Variants in UBR3 observed in about 807,000 individuals in gnomAD.
UBR3 encodes ubiquitin protein ligase E3 component n-recognin 3.
In UBR3, 85 loss-of-function variants were observed where a neutral mutation model predicts 243.2. The ratio of observed to expected loss-of-function variants is 0.35; its 90% CI spans 0.29 to 0.42. The LOEUF is 0.42. Among genes scored for constraint, UBR3 ranks in the 10% least tolerant of loss-of-function variants. UBR3 has a pLI of 1.00. For missense variants in UBR3, 1,686 were observed against 2,300.8 expected, an observed-to-expected ratio of 0.73 and a Z score of 5.47; for synonymous variants, 748 against 799.8, an observed-to-expected ratio of 0.94 and a Z score of 1.09.
intron 8 of UBR3, among the ~76,000 whole-genome samples, chr2:169,904,092 T>C (rs1159166968): frequency 6.6e-6 from 1 of 152,200 alleles, no homozygotes; most frequent in African/African-American, 2.4e-5. Flanking sequence ...AAAATATACT[T>C]AGGCTTTTAT....
At chr2:169,831,129 T>TA (rs2081925483) in intron 1 of UBR3, among the ~76,000 whole-genome samples, 1,504 of 23,042 alleles carry the variant, frequency 0.065, 63 homozygotes, top group Non-Finnish European at 0.076. Flanking sequence ...ATATATATAT[T>TA]TTTTTTTTTT....
chr2:169,978,794 T>C (rs2088584598), intron 24 of UBR3, among the ~76,000 whole-genome samples: 1 of 152,126 alleles, frequency 6.6e-6, no homozygotes, highest in Non-Finnish European at 1.5e-5. Context: ...CTCTAGGGGC[T>C]AGTCTAGCTC....
chr2:169,968,982 A>T (rs1456989279), intron 24 of UBR3, among the ~76,000 whole-genome samples: 4 of 152,064 alleles, frequency 2.6e-5, no homozygotes, highest in Admixed American at 1.3e-4. Context: ...CTGTTTGGCC[A>T]TTTGTATGTC....
chr2:170,046,374 C>T (rs1016850977), intron 32 of UBR3, among the ~76,000 whole-genome samples: 16 of 152,156 alleles, frequency 1.1e-4, no homozygotes, highest in Non-Finnish European at 2.1e-4. Context: ...TTGCCTCCCT[C>T]CTCCTACCTC....
At chr2:170,019,063 C>T (rs2090321412) in intron 30 of UBR3, among the ~76,000 whole-genome samples, 1 of 152,128 alleles carries the variant, frequency 6.6e-6, no homozygotes, top group South Asian at 2.1e-4. Context: ...GTCTTTGGGT[C>T]TGAGAATTTG....
chr2:169,877,676 C>G (rs757969662), intron 4 of UBR3, 39 bp downstream of exon 4: 76 of 1,511,030 alleles, frequency 5.0e-5, no homozygotes, highest in Non-Finnish European at 6.0e-5. Flanking sequence ...TGTAACTTTT[C>G]TGTATTAAAA....
intron 20 of UBR3, 89 bp downstream of exon 20, chr2:169,942,723 C>G: frequency 8.0e-7 from 1 of 1,250,272 alleles, no homozygotes; most frequent in Non-Finnish European, 1.0e-6. Context: ...AAAAGTACCA[C>G]TTATAAAGCA....
Position 170,062,279 on chromosome 2 carries a change from A to C in UBR3, c.5019+836A>C, listed in dbSNP as rs145601626. Among the ~76,000 whole-genome samples the C allele has an allele frequency of 3.0e-3, 452 of 152,298 alleles. 3 individuals are homozygous for C. The highest frequency in any genetic ancestry group is 0.01 in the African/African-American group (428 of 41,568). On this transcript the variant is annotated intron_variant, in intron 35 of 38. Transcript: ENST00000272793. ...GTAAACCCAAACTGTGCTTATAGGA[A>C]TGTGATCCTGACTTATCTGCCATTC... is the stretch of plus-strand genomic sequence containing the variant.
chr2:169,865,116 T>G (rs1471589636), intron 1 of UBR3, among the ~76,000 whole-genome samples: 1 of 151,988 alleles, frequency 6.6e-6, no homozygotes, highest in African/African-American at 2.4e-5. Flanking sequence ...TGTTCTACTA[T>G]TAATTAAGTC....
chr2:170,043,880 C>T (rs937798942), intron 32 of UBR3, among the ~76,000 whole-genome samples: 2 of 152,100 alleles, frequency 1.3e-5, no homozygotes, highest in African/African-American at 4.8e-5. Context: ...ATACTGCTGT[C>T]GAACACATTG....
intron 24 of UBR3, among the ~76,000 whole-genome samples, chr2:169,972,273 T>C (rs1249518048): frequency 6.6e-6 from 1 of 152,108 alleles, no homozygotes; most frequent in Non-Finnish European, 1.5e-5. Flanking sequence ...CAATAATCAA[T>C]AGTTTACCAA....
intron 23 of UBR3, among the ~76,000 whole-genome samples, chr2:169,952,649 C>T (rs543756105): frequency 2.6e-5 from 4 of 152,052 alleles, no homozygotes; most frequent in South Asian, 4.2e-4. Context: ...GAGCTGAGAT[C>T]GCGCTGCTGC....
intron 30 of UBR3, among the ~76,000 whole-genome samples, chr2:170,023,902 A>G (rs10211520): frequency 0.99 from 149,967 of 151,984 alleles, 74,011 homozygotes; most frequent in South Asian, 1. Context: ...TAGTAGAGAA[A>G]AGGTTTCACC....
At chr2:170,046,184 C>G (rs2091084054) in intron 32 of UBR3, among the ~76,000 whole-genome samples, 1 of 152,104 alleles carries the variant, frequency 6.6e-6, no homozygotes, top group African/African-American at 2.4e-5. Context: ...CCAGACTGGT[C>G]TGAATATCCT....
Position 169,942,543 on chromosome 2 carries a change from A to G in UBR3, c.2714A>G (p.Lys905Arg), listed in dbSNP as rs2086633096. Residue 905 changes from lysine (K) to arginine (R), a missense_variant, in exon 20 of 39, where the codon AAA (lysine) becomes AGA (arginine). Physicochemically the swap from Lys to Arg is conservative, Grantham distance 26 (BLOSUM62 2). Transcript: ENST00000272793. ...GGAAATCCCTGGCCTCCATATAAGA[A>G]AAGGACATCACTCCATCCTAGCTAT... ...FPGNPWPPYK[K>R]RTSLHPSYKG... The G allele has an allele frequency of 6.5e-7, 1 of 1,550,326 alleles. No individual in the cohort carries two copies. Among genetic ancestry groups the G allele is most frequent in the African/African-American group, 1.4e-5 (1 of 73,036 alleles).
Position 169,928,859 on chromosome 2 carries a change from A to C in UBR3, c.2557A>C (p.Thr853Pro), listed in dbSNP as rs2086007921. The C allele has an allele frequency of 2.0e-6, 3 of 1,464,096 alleles. No homozygotes were observed. In the Admixed American group the frequency reaches 6.1e-5, roughly 30 times the overall value. 90.7% of individuals were successfully genotyped at this position (1,464,096 alleles called of 1,614,324 possible). ...AGGTTCTATGCAACAAGGCATGTAT[A>C]CTCCCAAAGGTATGTTTATATACAT... ...PGGSMQQGMY[T>P]PKAEVWDQEF... is the part of the protein sequence containing the mutation. Residue 853 changes from threonine to proline, a missense_variant, in exon 18 of 39, where the codon ACT (threonine) becomes CCT (proline). Thr to Pro is a conservative substitution (Grantham distance 38). Around this residue, in one of 8 missense-constraint regions of UBR3, gnomAD observed 346 missense variants for 585.8 expected, o/e 0.59. Coordinates refer to ENST00000272793, the MANE Select transcript of UBR3 (RefSeq NM_172070.4).
chr2:169,946,432 C>A, intron 21 of UBR3, 40 bp downstream of exon 21: 2 of 1,168,228 alleles, frequency 1.7e-6, no homozygotes, highest in Non-Finnish European at 2.4e-6. Flanking sequence ...AGATAGGCAG[C>A]CCCTATCTGG....
intron 28 of UBR3, among the ~76,000 whole-genome samples, chr2:170,008,498 C>T (rs76589354): frequency 0.012 from 1,809 of 152,060 alleles, 33 homozygotes; most frequent in African/African-American, 0.041. Flanking sequence ...GACATGGAAA[C>T]TTTGTTCTAA....
chr2:169,874,432 G>A (rs1028599209), intron 2 of UBR3, among the ~76,000 whole-genome samples: 1 of 152,160 alleles, frequency 6.6e-6, no homozygotes, highest in African/African-American at 2.4e-5. Flanking sequence ...GCCTCTGAAA[G>A]TGCTGGGACT....
Sources: gnomAD v4.1 joint callset for allele counts (sites outside exome capture counted in the v4.1 genomes callset) on GRCh38, gnomAD v4.1.1 for gene constraint, gnomAD v4.1.1 regional missense constraint, MANE v1.5 for transcripts, NCBI Gene and HGNC (gene_info 2026-07-23, HGNC 2026-07-21) for gene names.